ENOX1: variants seen among roughly 807,000 people sequenced by gnomAD.
ENOX1 encodes the protein candidate growth-related and time keeping constitutive hydroquinone (NADH) oxidase.
ENOX1 carries 42 observed loss-of-function variants against 82.5 expected under a neutral mutation model. That is an observed-to-expected ratio of 0.51 (90% confidence interval 0.40 to 0.66). The LOEUF (loss-of-function observed/expected upper bound fraction) is 0.66. Ranked by LOEUF, ENOX1 falls within the 30% of genes least tolerant of loss-of-function variation. ENOX1 has a pLI of 0.00. For missense variants in ENOX1, 608 were observed against 811.6 expected, an observed-to-expected ratio of 0.75 and a Z score of 3.05; for synonymous variants, 271 against 282.2, an observed-to-expected ratio of 0.96 and a Z score of 0.40.
chr13:43,742,186 C>T (rs907010699), intron 1 of ENOX1, among the ~76,000 whole-genome samples: 39 of 151,842 alleles, frequency 2.6e-4, no homozygotes, highest in African/African-American at 9.0e-4. Context: ...TATATAGAGA[C>T]ATATAGAAAG....
Position 43,417,193 on chromosome 13 carries a change from AGGGAGAC to A in ENOX1, c.-74-4212_-74-4206del, listed in dbSNP as rs370036237. On this transcript the variant is annotated intron_variant, in intron 3 of 16. Coordinates refer to ENST00000690772, the MANE Select transcript of ENOX1 (RefSeq NM_001347969.2). ...CAGTACAGTCCAGCCTCAGCAACAG[AGGGAGAC>A]GGGAGACGGGAGACGGGAGACGGGA... Among the ~76,000 whole-genome samples, 75 of 132,760 alleles carry A rather than the reference AGGGAGAC, an allele frequency of 5.6e-4. 3 individuals are homozygous for A. Among genetic ancestry groups the A allele is most frequent in the East Asian group, 3.8e-3 (17 of 4,504 alleles). 87.1% of individuals were successfully genotyped at this position (132,760 alleles called of 152,430 possible).
chr13:43,296,869 G>A (rs563139374), intron 12 of ENOX1, among the ~76,000 whole-genome samples: 4 of 152,278 alleles, frequency 2.6e-5, no homozygotes, highest in Admixed American at 2.6e-4. Flanking sequence ...GTGGCTTTTG[G>A]GCTAGGTCTG....
chr13:43,243,371 A>AATCCAAATTCTCTC (rs2153462902), intron 14 of ENOX1, among the ~76,000 whole-genome samples: 1 of 152,140 alleles, frequency 6.6e-6, no homozygotes, highest in South Asian at 2.1e-4. Flanking sequence ...GATGTCTCTA[A>AATCCAAATTCTCTC]ATCCAAATTC....
rs1301584672 is a variant in ENOX1, at chr13:43,574,533, A to T, written c.-218-90381T>A. ...TCAATGCTTAGAGGACATTAATGGA[A>T]ATGATTTAATATGTGTGTCATGCAT... On this transcript the variant is annotated intron_variant, in intron 2 of 16. Transcript: ENST00000690772. Among the ~76,000 whole-genome samples the T allele has an allele frequency of 2.6e-5, 4 of 152,214 alleles. No individual in the cohort carries two copies. In the East Asian group the frequency reaches 7.7e-4, roughly 29 times the overall value.
intron 1 of ENOX1, among the ~76,000 whole-genome samples, chr13:43,677,124 T>A (rs1362008914): frequency 6.6e-6 from 1 of 151,966 alleles, no homozygotes; most frequent in African/African-American, 2.4e-5. Flanking sequence ...TCTCATATCA[T>A]TAAAATTTTC....
chr13:43,732,181 T>C (rs1373252649), intron 1 of ENOX1, among the ~76,000 whole-genome samples: 1 of 152,212 alleles, frequency 6.6e-6, no homozygotes, highest in Admixed American at 6.5e-5. Flanking sequence ...GGTTGATTCT[T>C]GTGCAGCTTC....
chr13:43,573,172 G>A (rs1477145909), intron 2 of ENOX1, among the ~76,000 whole-genome samples: 1 of 152,160 alleles, frequency 6.6e-6, no homozygotes, highest in Non-Finnish European at 1.5e-5. Context: ...AGGCTTGCAT[G>A]CTAATGACTG....
intron 14 of ENOX1, among the ~76,000 whole-genome samples, chr13:43,240,406 G>C (rs1334587518): frequency 6.6e-6 from 1 of 151,988 alleles, no homozygotes; most frequent in Non-Finnish European, 1.5e-5. Context: ...TTTTATCTGG[G>C]AGGCTTAACA....
At chr13:43,468,193 TC>T (rs970275977) in intron 3 of ENOX1, among the ~76,000 whole-genome samples, 1 of 151,670 alleles carries the variant, frequency 6.6e-6, no homozygotes, top group African/African-American at 2.4e-5. Flanking sequence ...CCTTTTTTTT[TC>T]TTTTTTTGAG....
intron 14 of ENOX1, among the ~76,000 whole-genome samples, chr13:43,262,052 T>C (rs1270716170): frequency 6.6e-6 from 1 of 152,142 alleles, no homozygotes; most frequent in African/African-American, 2.4e-5. Flanking sequence ...AATAATATAA[T>C]GAAAAATCAA....
intron 1 of ENOX1, among the ~76,000 whole-genome samples, chr13:43,718,080 T>C (rs1459417809): frequency 6.6e-6 from 1 of 152,246 alleles, no homozygotes; most frequent in African/African-American, 2.4e-5. Flanking sequence ...ACACATGTAC[T>C]TATTAGTTCA....
chr13:43,319,071 A>G (rs867241859), intron 11 of ENOX1, among the ~76,000 whole-genome samples: 7 of 152,118 alleles, frequency 4.6e-5, no homozygotes, highest in Non-Finnish European at 7.3e-5. Context: ...GGAAGAACAG[A>G]TCTGGATTTT....
rs561401079 is a variant in ENOX1, at chr13:43,538,201, T to C, written c.-218-54049A>G. On this transcript the variant is annotated intron_variant, in intron 2 of 16. Transcript: ENST00000690772. The stretch of plus-strand genomic sequence containing the variant: ...GCCTAACTTAACATCATGATATATT[T>C]AATCCTCCCATAAAATATTTCCTTC... Among the ~76,000 whole-genome samples the C allele has an allele frequency of 3.3e-5, 5 of 152,380 alleles. No individual in the cohort carries two copies. The South Asian group carries it at 1.0e-3, about 32-fold the overall frequency.
intron 1 of ENOX1, among the ~76,000 whole-genome samples, chr13:43,746,232 T>G (rs955758713): frequency 1.1e-4 from 17 of 151,904 alleles, no homozygotes; most frequent in Non-Finnish European, 2.2e-4. Flanking sequence ...AGAAAAGAAA[T>G]TATGGAATGG....
intron 2 of ENOX1, among the ~76,000 whole-genome samples, chr13:43,591,093 T>C (rs999228304): frequency 6.6e-6 from 1 of 152,216 alleles, no homozygotes; most frequent in African/African-American, 2.4e-5. Context: ...TATTTGAAGA[T>C]ACACATACCC....
chr13:43,714,262 C>T lies in ENOX1; in HGVS notation c.-284-46718G>A, dbSNP rs539449711. On this transcript the variant is annotated intron_variant, in intron 1 of 16. Coordinates refer to ENST00000690772, the MANE Select transcript of ENOX1 (RefSeq NM_001347969.2). ...TTAATCCCGAGTTCTAGTTTGATTGCACTGTGGTCTGAGAGATAGTTTGTT... is the reference window on the plus strand; with the variant it reads ...TTAATCCCGAGTTCTAGTTTGATTGTACTGTGGTCTGAGAGATAGTTTGTT... Among the ~76,000 whole-genome samples, 133 of 152,226 alleles carry T rather than the reference C, an allele frequency of 8.7e-4. 1 individual carries two copies. Among genetic ancestry groups the T allele is most frequent in the South Asian group, 7.7e-3 (37 of 4,818 alleles).
chr13:43,739,693 T>C (rs1372528478), intron 1 of ENOX1, among the ~76,000 whole-genome samples: 2 of 151,948 alleles, frequency 1.3e-5, no homozygotes, highest in South Asian at 2.1e-4. Flanking sequence ...ATTTTATTAA[T>C]AAATAAGATG....
chr13:43,428,909 G>C (rs1594546238), intron 3 of ENOX1, among the ~76,000 whole-genome samples: 1 of 152,160 alleles, frequency 6.6e-6, no homozygotes, highest in Non-Finnish European at 1.5e-5. Context: ...GAAAGAGTGA[G>C]GATCTATGTC....
At chr13:43,429,817 C>A (rs1412055126) in intron 3 of ENOX1, among the ~76,000 whole-genome samples, 1 of 152,164 alleles carries the variant, frequency 6.6e-6, no homozygotes, top group African/African-American at 2.4e-5. Context: ...TTGGAAGCTC[C>A]TTGCTAAGCT....
Sources: gnomAD v4.1 joint callset for allele counts (sites outside exome capture counted in the v4.1 genomes callset) on GRCh38, gnomAD v4.1.1 for gene constraint, MANE v1.5 for transcripts, NCBI Gene and HGNC (gene_info 2026-07-23, HGNC 2026-07-21) for gene names.